NOX4: variants seen among roughly 807,000 people sequenced by gnomAD.
NOX4 encodes kidney oxidase-1.
Under a neutral mutation model 87.6 loss-of-function variants are expected in NOX4, and 69 were observed. The ratio of observed to expected loss-of-function variants is 0.79; its 90% CI spans 0.65 to 0.96. The LOEUF (loss-of-function observed/expected upper bound fraction) is 0.96, where lower values mean the gene tolerates loss of function less well. Ranked by LOEUF, NOX4 falls within the 40% of genes least tolerant of loss-of-function variation. The pLI, the probability that NOX4 is intolerant of heterozygous loss-of-function variation, is 0.00. For missense variants in NOX4, 680 were observed against 681.5 expected, an observed-to-expected ratio of 1.00 and a Z score of 0.02; for synonymous variants, 275 against 238.2, an observed-to-expected ratio of 1.15 and a Z score of -1.42.
At chr11:89,418,291 C>T (rs1236732717) in intron 8 of NOX4, among the ~76,000 whole-genome samples, 2 of 151,534 alleles carry the variant, frequency 1.3e-5, no homozygotes, top group African/African-American at 4.8e-5. Flanking sequence ...AAATGGGGGC[C>T]AGCATAACTT....
chr11:89,479,571 A>C (rs1386890702), intron 2 of NOX4, among the ~76,000 whole-genome samples: 2 of 152,166 alleles, frequency 1.3e-5, no homozygotes, highest in Admixed American at 6.6e-5. Context: ...CAGACCTCTG[A>C]AAGTCTTGAT....
chr11:89,491,329 G>A lies in NOX4; in HGVS notation c.-83C>T. On this transcript the variant is annotated 5_prime_UTR_variant, in exon 1 of 18. Transcript: ENST00000263317. The stretch of plus-strand genomic sequence containing the variant: ...CGGCCGGGGCAGCGGTTACAGTTGT[G>A]CGGCCTGCCGGGCCGCTGAGCGAGG... 1 of 1,292,208 alleles carries A rather than the reference G, an allele frequency of 7.7e-7. No homozygotes were observed. The highest frequency in any genetic ancestry group is 1.1e-6 in the Non-Finnish European group (1 of 939,096). 80.0% of individuals were successfully genotyped at this position (1,292,208 alleles called of 1,614,324 possible). A position where few individuals can be genotyped will look rare whatever the true frequency, so the allele number is the denominator to read the frequency against.
At chr11:89,489,956 A>C (rs1446476180) in intron 2 of NOX4, among the ~76,000 whole-genome samples, 2 of 152,208 alleles carry the variant, frequency 1.3e-5, no homozygotes, top group African/African-American at 4.8e-5. Context: ...AGAATACTGG[A>C]ATATCATCAG....
intron 8 of NOX4, among the ~76,000 whole-genome samples, chr11:89,412,164 G>T (rs1591159503): frequency 6.6e-6 from 1 of 151,946 alleles, no homozygotes; most frequent in Admixed American, 6.6e-5. Flanking sequence ...ACACAAAAAC[G>T]TAAAGCAAAT....
chr11:89,578,436 G>A, the NOX4 span, among the ~76,000 whole-genome samples: 11 of 151,864 alleles, frequency 7.2e-5, no homozygotes, highest in African/African-American at 1.7e-4. Flanking sequence ...GGCCTCCCTC[G>A]GATTACAGGC....
chr11:89,408,489 G>A (rs1942306301), intron 8 of NOX4, among the ~76,000 whole-genome samples: 1 of 152,188 alleles, frequency 6.6e-6, no homozygotes, highest in African/African-American at 2.4e-5. Flanking sequence ...TAGAAGTAGA[G>A]TGCTTTCCTA....
intron 11 of NOX4, among the ~76,000 whole-genome samples, chr11:89,394,638 G>A (rs1156673192): frequency 6.6e-6 from 1 of 151,992 alleles, no homozygotes; most frequent in Non-Finnish European, 1.5e-5. Context: ...TTCTCCTAAC[G>A]CTATCCCTCC....
the NOX4 span, among the ~76,000 whole-genome samples, chr11:89,531,612 C>A: frequency 2.6e-5 from 4 of 152,338 alleles, no homozygotes; most frequent in Admixed American, 2.0e-4. Context: ...ATGCTGTTCT[C>A]ATGACAGTGA....
chr11:89,588,398 C>T, the NOX4 span, among the ~76,000 whole-genome samples: 1 of 152,088 alleles, frequency 6.6e-6, no homozygotes, highest in Non-Finnish European at 1.5e-5. Flanking sequence ...AGAAATCATG[C>T]ACTTTAGACT....
chr11:89,436,109 G>T lies in NOX4; in HGVS notation c.476-3253C>A, dbSNP rs544894550. Among the ~76,000 whole-genome samples the T allele has an allele frequency of 2.0e-5, 3 of 152,314 alleles. No homozygotes were observed. The South Asian group carries it at 6.2e-4, about 32-fold the overall frequency. The stretch of plus-strand genomic sequence containing the variant: ...CTTTTATTCATTCAGTGAACAGTTT[G>T]TAGGCATATACAGTGTACTGTTAGA... On this transcript the variant is annotated intron_variant, in intron 6 of 17. Transcript: ENST00000263317.
chr11:89,433,236 G>C (rs1943904882), intron 6 of NOX4, among the ~76,000 whole-genome samples: 1 of 151,994 alleles, frequency 6.6e-6, no homozygotes, highest in Non-Finnish European at 1.5e-5. Context: ...GCTTACTATA[G>C]TCATTCTACA....
At chr11:89,488,943 G>A in intron 2 of NOX4, 1 of 695,686 alleles carries the variant, frequency 1.4e-6, no homozygotes, top group Non-Finnish European at 2.6e-6. Context: ...GGCGAGGTGA[G>A]GTCTTACTCT....
the NOX4 span, among the ~76,000 whole-genome samples, chr11:89,506,039 T>C: frequency 6.6e-6 from 1 of 151,682 alleles, no homozygotes. Flanking sequence ...TTGATAAACA[T>C]AGATATAAAA....
At chr11:89,395,947 A>G (rs1941454356) in intron 11 of NOX4, among the ~76,000 whole-genome samples, 1 of 152,146 alleles carries the variant, frequency 6.6e-6, no homozygotes, top group African/African-American at 2.4e-5. Flanking sequence ...TGAGGCCTCC[A>G]GCTTTGTTCT....
intron 2 of NOX4, among the ~76,000 whole-genome samples, chr11:89,480,289 T>G (rs1477698802): frequency 1.2e-4 from 19 of 152,122 alleles, no homozygotes; most frequent in African/African-American, 4.3e-4. Flanking sequence ...CTTCAAACTT[T>G]CCTTAATGAT....
chr11:89,494,145 T>A (rs191202633), upstream of NOX4, among the ~76,000 whole-genome samples: 52 of 152,186 alleles, frequency 3.4e-4, no homozygotes, highest in Non-Finnish European at 2.2e-4. Context: ...TGTAGCTACA[T>A]CAGTATTTTA....
At chr11:89,455,088 C>T (rs1487317472) in intron 2 of NOX4, among the ~76,000 whole-genome samples, 1 of 152,068 alleles carries the variant, frequency 6.6e-6, no homozygotes, top group Non-Finnish European at 1.5e-5. Flanking sequence ...GCTTAGTTGC[C>T]AGTAAAGTAT....
chr11:89,485,320 C>A (rs573011705), intron 2 of NOX4, among the ~76,000 whole-genome samples: 39 of 152,100 alleles, frequency 2.6e-4, no homozygotes, highest in Non-Finnish European at 4.0e-4. Context: ...AAATTAAAAT[C>A]TTATCCTGAC....
intron 6 of NOX4, among the ~76,000 whole-genome samples, chr11:89,435,484 C>A (rs1203387987): frequency 6.6e-6 from 1 of 151,984 alleles, no homozygotes; most frequent in Non-Finnish European, 1.5e-5. Context: ...ATATTAGTTT[C>A]TATTACTAAA....
Sources: gnomAD v4.1 joint callset for allele counts (sites outside exome capture counted in the v4.1 genomes callset) on GRCh38, gnomAD v4.1.1 for gene constraint, MANE v1.5 for transcripts, NCBI Gene and HGNC (gene_info 2026-07-23, HGNC 2026-07-21) for gene names.